The following RBFOX1 variants were observed in gnomAD, a reference collection of about 807,000 sequenced individuals.
RBFOX1 encodes the protein RNA binding fox-1 homolog 1, also known as RNA binding protein fox-1 homolog 1.
In RBFOX1, 8 loss-of-function variants were observed where a neutral mutation model predicts 57.7. That is an observed-to-expected ratio of 0.14 (90% CI 0.08 to 0.25). RBFOX1 has a LOEUF of 0.25. Ranked by LOEUF, RBFOX1 falls within the 10% of genes least tolerant of loss-of-function variation. RBFOX1 has a pLI of 1.00. For synonymous variants in RBFOX1, 326 were observed against 222.4 expected (o/e 1.47, Z -4.15); for missense variants, 611 against 548.5 (o/e 1.11, Z -1.14).
rs2091827494 is a variant in RBFOX1, at chr16:7,566,943, G to C, written c.271-12834G>C. Among the ~76,000 whole-genome samples, 6 of 151,838 alleles carry C rather than the reference G, an allele frequency of 4.0e-5. No homozygotes were observed. In the South Asian group the frequency reaches 1.2e-3, roughly 32 times the overall value. On this transcript the variant is annotated intron_variant, in intron 5 of 15. Transcript: ENST00000550418. Reference sequence around the variant, plus strand: ...AACCTTCAGTGTATCCATGAACAAAGAAATCGATTAAGAAACATGTATTTA... The same window carrying C: ...AACCTTCAGTGTATCCATGAACAAACAAATCGATTAAGAAACATGTATTTA...
At chr16:5,928,621 G>T (rs987326678) in intron 4 of RBFOX1, among the ~76,000 whole-genome samples, 2 of 151,110 alleles carry the variant, frequency 1.3e-5, no homozygotes, top group Non-Finnish European at 2.9e-5. Flanking sequence ...CCTGCTGTCA[G>T]ATTCTGGCCC....
At chr16:5,436,166 C>T (rs913446587) in intron 1 of RBFOX1, among the ~76,000 whole-genome samples, 2 of 152,208 alleles carry the variant, frequency 1.3e-5, no homozygotes, top group Non-Finnish European at 2.9e-5. Flanking sequence ...ATGCCTTTCT[C>T]TGGGGAGAGA....
chr16:5,246,809 T>C (rs2062312516), intron 1 of RBFOX1, among the ~76,000 whole-genome samples: 1 of 151,848 alleles, frequency 6.6e-6, no homozygotes, highest in Non-Finnish European at 1.5e-5. Flanking sequence ...TATCTGGGAG[T>C]ACAGGCATGC....
chr16:7,489,714 T>A (rs965781633), intron 4 of RBFOX1, among the ~76,000 whole-genome samples: 3 of 151,878 alleles, frequency 2.0e-5, no homozygotes, highest in Non-Finnish European at 4.4e-5. Context: ...GACCGTTTTT[T>A]TTTTTTATGT....
intron 2 of RBFOX1, among the ~76,000 whole-genome samples, chr16:6,504,535 G>A (rs1446095531): frequency 6.6e-6 from 1 of 152,158 alleles, no homozygotes; most frequent in Non-Finnish European, 1.5e-5. Context: ...CAAAGTAACA[G>A]GGAGCTAGAA....
intron 3 of RBFOX1, among the ~76,000 whole-genome samples, chr16:5,850,463 A>G (rs930856794): frequency 1.3e-5 from 2 of 152,206 alleles, no homozygotes; most frequent in African/African-American, 2.4e-5. Context: ...TGTGTCATGA[A>G]CTGTGCTAGG....
chr16:5,883,728 T>C (rs962406226), intron 4 of RBFOX1, among the ~76,000 whole-genome samples: 2 of 152,188 alleles, frequency 1.3e-5, no homozygotes, highest in South Asian at 2.1e-4. Flanking sequence ...AGCTAAGCAG[T>C]GATTTTTTTA....
intron 4 of RBFOX1, among the ~76,000 whole-genome samples, chr16:7,081,531 A>G (rs911223536): frequency 2.0e-5 from 3 of 152,234 alleles, no homozygotes; most frequent in Non-Finnish European, 1.5e-5. Flanking sequence ...CTCACTAATG[A>G]TGGGAATGAG....
At chr16:6,841,306 T>A (rs1001999412) in intron 3 of RBFOX1, among the ~76,000 whole-genome samples, 1 of 152,196 alleles carries the variant, frequency 6.6e-6, no homozygotes, top group Non-Finnish European at 1.5e-5. Context: ...AGATTTTGTT[T>A]ACATGTTTGT....
intron 1 of RBFOX1, among the ~76,000 whole-genome samples, chr16:5,429,505 G>A (rs2067664899): frequency 6.6e-6 from 1 of 152,186 alleles, no homozygotes. Flanking sequence ...GGCCTGTGGG[G>A]TCCTGGGAGA....
intron 3 of RBFOX1, among the ~76,000 whole-genome samples, chr16:6,866,839 G>T (rs562811587): frequency 1.3e-5 from 2 of 151,956 alleles, no homozygotes; most frequent in Non-Finnish European, 2.9e-5. Flanking sequence ...ACCGCGCCCA[G>T]CTAAAGGTTA....
At chr16:7,660,002 T>C (rs1166805591) in intron 12 of RBFOX1, among the ~76,000 whole-genome samples, 1 of 152,170 alleles carries the variant, frequency 6.6e-6, no homozygotes, top group African/African-American at 2.4e-5. Context: ...ATAGCGGTAT[T>C]TGAACACCTT....
At chr16:5,376,686 C>G (rs773812661) in intron 1 of RBFOX1, among the ~76,000 whole-genome samples, 2 of 147,202 alleles carry the variant, frequency 1.4e-5, no homozygotes, top group African/African-American at 5.5e-5. Flanking sequence ...ACCATTGGTT[C>G]TTGTCCCCTT....
At chr16:6,061,534 T>C (rs2095686369) in intron 1 of RBFOX1, among the ~76,000 whole-genome samples, 2 of 151,626 alleles carry the variant, frequency 1.3e-5, no homozygotes, top group African/African-American at 4.8e-5. Flanking sequence ...TGAAAATATA[T>C]AATGTAATTA....
At chr16:6,153,505 C>G (rs894340952) in intron 1 of RBFOX1, among the ~76,000 whole-genome samples, 1 of 151,952 alleles carries the variant, frequency 6.6e-6, no homozygotes, top group East Asian at 1.9e-4. Context: ...CAGTCCCACT[C>G]CTTCCTCCAA....
At chr16:6,942,942 C>T (rs2078816552) in intron 3 of RBFOX1, among the ~76,000 whole-genome samples, 1 of 152,178 alleles carries the variant, frequency 6.6e-6, no homozygotes, top group Admixed American at 6.5e-5. Flanking sequence ...GGAGATTCGA[C>T]ATCACCATGT....
chr16:5,564,300 G>A (rs2045986857), intron 2 of RBFOX1, among the ~76,000 whole-genome samples: 1 of 152,038 alleles, frequency 6.6e-6, no homozygotes, highest in Admixed American at 6.6e-5. Flanking sequence ...TTACAGGCAT[G>A]AACCACCACA....
chr16:5,918,005 G>C (rs2058745811), intron 4 of RBFOX1, among the ~76,000 whole-genome samples: 1 of 152,158 alleles, frequency 6.6e-6, no homozygotes, highest in African/African-American at 2.4e-5. Flanking sequence ...TTAGAGTGCA[G>C]CTTGATCCTC....
intron 1 of RBFOX1, among the ~76,000 whole-genome samples, chr16:6,278,725 C>G (rs1366227829): frequency 6.6e-6 from 1 of 151,932 alleles, no homozygotes; most frequent in Non-Finnish European, 1.5e-5. Flanking sequence ...TAGATATTTG[C>G]ATACAGCTTA....
Sources: gnomAD v4.1 joint callset for allele counts (sites outside exome capture counted in the v4.1 genomes callset) on GRCh38, gnomAD v4.1.1 for gene constraint, MANE v1.5 for transcripts, NCBI Gene and HGNC (gene_info 2026-07-23, HGNC 2026-07-21) for gene names.